STK10: variants seen among roughly 807,000 people sequenced by gnomAD.
STK10 encodes the protein serine/threonine kinase 10.
STK10 carries 78 observed loss-of-function variants against 113.8 expected under a neutral mutation model. That is an observed-to-expected ratio of 0.69 (90% CI 0.57 to 0.83). STK10 has a LOEUF of 0.83. Ranked by LOEUF, STK10 falls within the 40% of genes least tolerant of loss-of-function variation. The probability of loss-of-function intolerance (pLI) is 0.00; values close to 1 mark genes in which losing one functional copy is unlikely to be tolerated. For missense variants in STK10, 1,109 were observed against 1,280.1 expected, an observed-to-expected ratio of 0.87 and a Z score of 2.04; for synonymous variants, 465 against 494.7, an observed-to-expected ratio of 0.94 and a Z score of 0.80.
intron 18 of STK10, among the ~76,000 whole-genome samples, chr5:172,049,391 T>G (rs1431004535): frequency 1.3e-5 from 2 of 151,400 alleles, no homozygotes; most frequent in Non-Finnish European, 2.9e-5. Context: ...CAAACAGAAG[T>G]TGGCCAAGCA....
intron 1 of STK10, among the ~76,000 whole-genome samples, chr5:172,181,047 C>A (rs187317395): frequency 9.2e-5 from 14 of 152,278 alleles, no homozygotes; most frequent in Non-Finnish European, 1.3e-4. Context: ...AAGGAATGCA[C>A]AAAACACACA....
intron 4 of STK10, among the ~76,000 whole-genome samples, chr5:172,112,587 AT>A (rs34366400): frequency 1.8e-3 from 252 of 136,754 alleles, no homozygotes; most frequent in Middle Eastern, 4.1e-3. Context: ...TGCCCGGCTA[AT>A]TTTTTTTTTT....
chr5:172,136,288 T>C (rs750084380), intron 2 of STK10, among the ~76,000 whole-genome samples: 8 of 152,106 alleles, frequency 5.3e-5, no homozygotes, highest in African/African-American at 1.2e-4. Context: ...CTAAGGAGAC[T>C]GAACAGTAAT....
In STK10 at chr5:172,175,721, G is replaced by A. The variant is rs554808483; in HGVS notation, c.156+12166C>T. Reference sequence around the variant, plus strand: ...CCAAGAGTAGACACCGCACTGAAGCGACCGTGGACTGCCCAACAAGCCCGT... The same window carrying A: ...CCAAGAGTAGACACCGCACTGAAGCAACCGTGGACTGCCCAACAAGCCCGT... On this transcript the variant is annotated intron_variant, in intron 1 of 18. Coordinates refer to ENST00000176763, the MANE Select transcript of STK10 (RefSeq NM_005990.4). Among the ~76,000 whole-genome samples the A allele has an allele frequency of 2.6e-4, 39 of 152,266 alleles. No individual in the cohort carries two copies. In the East Asian group the frequency reaches 7.2e-3, roughly 28 times the overall value.
intron 13 of STK10, 37 bp from the exon 14 acceptor site, chr5:172,061,305 C>A: frequency 6.3e-7 from 1 of 1,577,040 alleles, no homozygotes; most frequent in African/African-American, 1.4e-5. Context: ...TTATCCAGAG[C>A]CGGCTTGGGC....
intron 18 of STK10, among the ~76,000 whole-genome samples, chr5:172,051,576 G>A (rs1332060674): frequency 6.6e-6 from 1 of 152,212 alleles, no homozygotes; most frequent in Non-Finnish European, 1.5e-5. Context: ...AGTGAGCTGA[G>A]ATGGCACCAC....
At chr5:172,078,462 T>C (rs1161606043) in intron 12 of STK10, among the ~76,000 whole-genome samples, 1 of 151,720 alleles carries the variant, frequency 6.6e-6, no homozygotes, top group African/African-American at 2.4e-5. Context: ...AAGACCAGCC[T>C]GGGCAAGTAA....
chr5:172,182,906 A>C (rs897701335), intron 1 of STK10, among the ~76,000 whole-genome samples: 14 of 152,036 alleles, frequency 9.2e-5, no homozygotes, highest in African/African-American at 2.9e-4. Flanking sequence ...CAGGCTGGCA[A>C]AGCAATTTTT....
At chr5:172,069,796 A>G (rs2113713342) in intron 12 of STK10, among the ~76,000 whole-genome samples, 1 of 152,344 alleles carries the variant, frequency 6.6e-6, no homozygotes, top group South Asian at 2.1e-4. Context: ...CCTGAACAAT[A>G]CTATCAATTA....
intron 1 of STK10, among the ~76,000 whole-genome samples, chr5:172,186,412 T>A (rs1770955425): frequency 6.6e-6 from 1 of 152,102 alleles, no homozygotes; most frequent in South Asian, 2.1e-4. Context: ...TTTCATGAGC[T>A]CAGGAGTTCA....
At chr5:172,063,717 C>T (rs1022925923) in intron 13 of STK10, 2 of 152,214 alleles carry the variant, frequency 1.3e-5, no homozygotes, top group Non-Finnish European at 2.9e-5. Context: ...AGGCCTCGAC[C>T]CCCTCCCTGA....
chr5:172,084,384 G>C (rs980475637), intron 10 of STK10, among the ~76,000 whole-genome samples: 1 of 150,198 alleles, frequency 6.7e-6, no homozygotes, highest in Admixed American at 6.6e-5. Flanking sequence ...TGGGCAACAA[G>C]GGCAAAATTC....
At chr5:172,156,535 G>T in intron 2 of STK10, 89 bp downstream of exon 2, 1 of 1,476,046 alleles carries the variant, frequency 6.8e-7, no homozygotes, top group South Asian at 1.4e-5. Flanking sequence ...AGCAGATGCT[G>T]AGAAAGAGCT....
In STK10 at chr5:172,185,059, T is replaced by C. The variant is rs552034956; in HGVS notation, c.156+2828A>G. Among the ~76,000 whole-genome samples, 7 of 152,132 alleles carry C rather than the reference T, an allele frequency of 4.6e-5. No individual in the cohort carries two copies. In the South Asian group the frequency reaches 1.5e-3, roughly 32 times the overall value. On this transcript the variant is annotated intron_variant, in intron 1 of 18. Transcript: ENST00000176763. The stretch of plus-strand genomic sequence containing the variant: ...TCGGATGAGTTCCTTTGTATGAAAC[T>C]TTCAGAGTAGCAGGGGAGTCTTAAG...
At chr5:172,102,200 T>A (rs1769005348) in intron 7 of STK10, among the ~76,000 whole-genome samples, 1 of 151,242 alleles carries the variant, frequency 6.6e-6, no homozygotes, top group Non-Finnish European at 1.5e-5. Flanking sequence ...GTGGCTGCAA[T>A]GGAGGGGTGG....
intron 1 of STK10, among the ~76,000 whole-genome samples, chr5:172,179,419 G>T (rs1036708169): frequency 1.3e-5 from 2 of 152,246 alleles, no homozygotes; most frequent in African/African-American, 4.8e-5. Context: ...GGGCTATGGG[G>T]TGACAACCTC....
At position 172,096,447 on chromosome 5, in the gene STK10, C is replaced by T. The variant is rs1195154256; in HGVS notation, c.984G>A (p.Glu328=). 1 of 1,613,142 alleles carries T rather than the reference C, an allele frequency of 6.2e-7. No individual in the cohort carries two copies. Among genetic ancestry groups the T allele is most frequent in the South Asian group, 1.1e-5 (1 of 91,088 alleles). The part of the protein sequence containing the change: ...IEDGRDEGEE[E]DAVDAASTLE... ...TTACGGAGGCGGCATCCACGGCGTC[C>T]TCCTCTTCCCCCTCATCCCGGCCGT... Residue 328 remains glutamate, a synonymous_variant, in exon 8 of 19, where the codon GAG becomes GAA. Coordinates refer to ENST00000176763, the MANE Select transcript of STK10 (RefSeq NM_005990.4).
chr5:172,187,828 C>G lies in STK10; in HGVS notation c.156+59G>C. ...CCAGGCTGGCCGGGTCCGGCTCAGG[C>G]ATCCCTTCCTTCCGGAGCCCCTCGA... On this transcript the variant is annotated intron_variant, in intron 1 of 18. Coordinates refer to ENST00000176763, the MANE Select transcript of STK10 (RefSeq NM_005990.4). The surrounding 1 kb of genome is among the most constrained non-coding windows in gnomAD (Gnocchi z 4.6). 1 of 1,587,276 alleles carries G rather than the reference C, an allele frequency of 6.3e-7. No homozygotes were observed. Among genetic ancestry groups the G allele is most frequent in the Non-Finnish European group, 8.6e-7 (1 of 1,167,502 alleles).
At chr5:172,112,979 C>T (rs1347857956) in intron 4 of STK10, among the ~76,000 whole-genome samples, 1 of 151,406 alleles carries the variant, frequency 6.6e-6, no homozygotes, top group African/African-American at 2.4e-5. Context: ...AAATCCCGAC[C>T]TCAGGTGATC....
Sources: allele counts gnomAD v4.1 joint callset (sites outside exome capture counted in the v4.1 genomes callset), GRCh38; gene constraint gnomAD v4.1.1; non-coding constraint Gnocchi (gnomAD v3.1); transcripts MANE v1.5; gene names NCBI Gene and HGNC (gene_info 2026-07-23, HGNC 2026-07-21).